TRMT11: variants seen among roughly 807,000 people sequenced by gnomAD.
TRMT11 encodes tRNA (guanine(10)-N(2))-methyltransferase TRMT11.
Under a neutral mutation model 62.8 loss-of-function variants are expected in TRMT11, and 53 were observed. That is an observed-to-expected ratio of 0.84 (90% CI 0.68 to 1.06). TRMT11 has a LOEUF of 1.06. TRMT11 is among the 50% of genes least tolerant of loss of function. The pLI is 0.00. For synonymous variants in TRMT11, 188 were observed against 190.3 expected (o/e 0.99, Z 0.10); for missense variants, 556 against 553.4 (o/e 1.00, Z -0.05).
chr6:126,009,195 A>G (rs1045261285), intron 8 of TRMT11: 2 of 152,284 alleles, frequency 1.3e-5, no homozygotes, highest in African/African-American at 4.8e-5. Context: ...TACATTGACT[A>G]TATACTGGAT....
At chr6:126,074,410 A>G (rs1776951106) in intron 17 of TRMT11, among the ~76,000 whole-genome samples, 2 of 152,210 alleles carry the variant, frequency 1.3e-5, no homozygotes, top group Non-Finnish European at 2.9e-5. Flanking sequence ...AATAAGTTAT[A>G]TCTAGACTTT....
At chr6:125,991,700 C>G (rs909703539) in intron 1 of TRMT11, among the ~76,000 whole-genome samples, 1 of 152,276 alleles carries the variant, frequency 6.6e-6, no homozygotes, top group South Asian at 2.1e-4. Flanking sequence ...TGCATTAGAA[C>G]TGATAAGCAA....
chr6:126,167,441 C>T (rs1212336435), intron 21 of TRMT11, among the ~76,000 whole-genome samples: 3 of 152,344 alleles, frequency 2.0e-5, no homozygotes, highest in African/African-American at 7.2e-5. Flanking sequence ...CCATGGGCTG[C>T]ACCCACTGTC....
intron 21 of TRMT11, among the ~76,000 whole-genome samples, chr6:126,155,569 T>C (rs936847085): frequency 2.6e-5 from 4 of 152,206 alleles, no homozygotes; most frequent in Non-Finnish European, 5.9e-5. Flanking sequence ...CTTCCACCTA[T>C]GAGCCTGTAA....
At chr6:126,190,342 G>A (rs149237665) in intron 1 of TRMT11, among the ~76,000 whole-genome samples, 128 of 152,212 alleles carry the variant, frequency 8.4e-4, no homozygotes, top group African/African-American at 3.0e-3. Context: ...TGCTGTTCTC[G>A]AGATAGGGAG....
rs756418149 is a variant in TRMT11 at position 126,050,698 on chromosome 6, C to CAA, written c.*1370-2413_*1370-2412dup. Among the ~76,000 whole-genome samples the CAA allele has an allele frequency of 3.0e-3, 392 of 129,626 alleles. 5 individuals are homozygous for CAA. The highest frequency in any genetic ancestry group is 0.01 in the African/African-American group (377 of 37,402). 85.0% of individuals were successfully genotyped at this position (129,626 alleles called of 152,430 possible). On this transcript the variant is annotated intron_variant and NMD_transcript_variant, in intron 16 of 22. Transcript: ENST00000648977. ...TGGGTGACACAGTGAGATGTGGTCTCAAAAAAAAAAAAAGTGATTTTGGCA... is the reference window on the plus strand; with the variant it reads ...TGGGTGACACAGTGAGATGTGGTCTCAAAAAAAAAAAAAAAGTGATTTTGGCA...
chr6:126,042,123 G>T (rs570482090), downstream of TRMT11, among the ~76,000 whole-genome samples: 1 of 152,278 alleles, frequency 6.6e-6, no homozygotes, highest in South Asian at 2.1e-4. Context: ...AGTGGTTTGA[G>T]AACATAGTGT....
intron 21 of TRMT11, among the ~76,000 whole-genome samples, chr6:126,138,258 C>T (rs1777875673): frequency 6.6e-6 from 1 of 151,666 alleles, no homozygotes; most frequent in Admixed American, 6.6e-5. Flanking sequence ...AATAAAAATA[C>T]AATAAAAGTG....
chr6:126,054,999 C>G (rs1357158909), intron 17 of TRMT11, among the ~76,000 whole-genome samples: 2 of 152,158 alleles, frequency 1.3e-5, no homozygotes, highest in Admixed American at 6.6e-5. Context: ...GGGTCTGGCT[C>G]TATAGCCCAG....
chr6:126,215,343 T>C, the TRMT11 span, among the ~76,000 whole-genome samples: 1 of 152,070 alleles, frequency 6.6e-6, no homozygotes, highest in African/African-American at 2.4e-5. Flanking sequence ...TCTAATAATA[T>C]TTGTTTTATA....
chr6:126,063,371 T>C (rs1776593380), intron 17 of TRMT11, among the ~76,000 whole-genome samples: 1 of 152,240 alleles, frequency 6.6e-6, no homozygotes, highest in African/African-American at 2.4e-5. Flanking sequence ...ATAGAAAAAC[T>C]AAATTTCCCT....
At chr6:126,134,335 G>T (rs954810637) in intron 21 of TRMT11, among the ~76,000 whole-genome samples, 17 of 151,778 alleles carry the variant, frequency 1.1e-4, no homozygotes, top group African/African-American at 3.9e-4. Flanking sequence ...AAACCAAAAA[G>T]AACAGGAGTG....
chr6:126,222,025 A>G, the TRMT11 span, among the ~76,000 whole-genome samples: 1 of 152,218 alleles, frequency 6.6e-6, no homozygotes, highest in African/African-American at 2.4e-5. Flanking sequence ...AGTCTTCTGC[A>G]TATGGCTAGC....
chr6:126,073,037 G>A (rs1056312199), intron 17 of TRMT11, among the ~76,000 whole-genome samples: 13 of 152,132 alleles, frequency 8.5e-5, no homozygotes, highest in African/African-American at 3.1e-4. Flanking sequence ...TACATGAAAT[G>A]ATGCAATCTT....
chr6:126,094,859 A>C (rs1370095057), intron 17 of TRMT11, among the ~76,000 whole-genome samples: 1 of 152,160 alleles, frequency 6.6e-6, no homozygotes, highest in East Asian at 1.9e-4. Context: ...CTCTACCAAC[A>C]CATACTACCT....
intron 17 of TRMT11, among the ~76,000 whole-genome samples, chr6:126,059,460 C>T (rs896147265): frequency 6.6e-6 from 1 of 152,114 alleles, no homozygotes; most frequent in Admixed American, 6.5e-5. Flanking sequence ...AAAGCATGAC[C>T]AGCAAGAAAA....
intron 7 of TRMT11, among the ~76,000 whole-genome samples, chr6:126,007,960 T>G (rs1041689175): frequency 1.3e-5 from 2 of 152,010 alleles, no homozygotes; most frequent in African/African-American, 4.8e-5. Context: ...TATGCCCTAT[T>G]TGTTTGAAAC....
intron 17 of TRMT11, among the ~76,000 whole-genome samples, chr6:126,093,695 A>C (rs1240119691): frequency 6.8e-6 from 1 of 146,124 alleles, no homozygotes; most frequent in African/African-American, 2.5e-5. Flanking sequence ...AGAAATAGAA[A>C]ATAAGATTAA....
intron 21 of TRMT11, among the ~76,000 whole-genome samples, chr6:126,141,463 A>C (rs1236355222): frequency 6.6e-6 from 1 of 152,178 alleles, no homozygotes; most frequent in South Asian, 2.1e-4. Context: ...TGAATATATC[A>C]TTCAAGCATG....
Sources: gnomAD v4.1 joint callset for allele counts (sites outside exome capture counted in the v4.1 genomes callset) on GRCh38, gnomAD v4.1.1 for gene constraint, MANE v1.5 for transcripts, NCBI Gene and HGNC (gene_info 2026-07-23, HGNC 2026-07-21) for gene names.